RAD18: variants seen among roughly 807,000 people sequenced by gnomAD.
RAD18 encodes the protein E3 ubiquitin-protein ligase RAD18.
Under a neutral mutation model 60.4 loss-of-function variants are expected in RAD18, and 47 were observed. The ratio of observed to expected loss-of-function variants is 0.78; its 90% CI spans 0.62 to 0.99. The LOEUF (loss-of-function observed/expected upper bound fraction) is 0.99. Ranked by LOEUF, RAD18 falls within the 50% of genes least tolerant of loss-of-function variation. The pLI is 0.00. For missense variants in RAD18, 640 were observed against 593.3 expected, an observed-to-expected ratio of 1.08 and a Z score of -0.82; for synonymous variants, 225 against 195.5, an observed-to-expected ratio of 1.15 and a Z score of -1.26.
chr3:8,926,040 T>C (rs1259596752), intron 7 of RAD18, among the ~76,000 whole-genome samples: 3 of 151,580 alleles, frequency 2.0e-5, no homozygotes, highest in Non-Finnish European at 3.0e-5. Context: ...CTATTCAACA[T>C]AGTGTTGGAA....
At chr3:8,920,116 A>T (rs1354738692) in intron 7 of RAD18, among the ~76,000 whole-genome samples, 1 of 152,138 alleles carries the variant, frequency 6.6e-6, no homozygotes, top group Non-Finnish European at 1.5e-5. Flanking sequence ...TGCCATCTTT[A>T]CTAAAAATAC....
At chr3:8,930,830 T>C (rs1455494208) in intron 7 of RAD18, among the ~76,000 whole-genome samples, 2 of 152,166 alleles carry the variant, frequency 1.3e-5, no homozygotes, top group Non-Finnish European at 2.9e-5. Context: ...GATGCAATAG[T>C]ACTGTCACTC....
At chr3:8,902,617 C>T in intron 9 of RAD18, 97 bp from the exon 10 acceptor site, 2 of 1,257,902 alleles carry the variant, frequency 1.6e-6, no homozygotes, top group South Asian at 1.7e-5. Flanking sequence ...AAGGGATGGG[C>T]ATGGTGGCTT....
chr3:8,960,023 T>A (rs1169237913), intron 1 of RAD18, among the ~76,000 whole-genome samples: 1 of 152,182 alleles, frequency 6.6e-6, no homozygotes, highest in East Asian at 1.9e-4. Context: ...TAAGAATGTA[T>A]TCTAATAGGC....
chr3:8,939,740 GT>G lies in RAD18; in HGVS notation c.605-88del, dbSNP rs959252655. On this transcript the variant is annotated intron_variant, in intron 5 of 12. Coordinates refer to ENST00000264926, the MANE Select transcript of RAD18 (RefSeq NM_020165.4). Reference sequence around the variant, plus strand: ...AACTGGCATCTTTTCAGCAAGTAAAGTAAAAAAGAATCCCAACTTAACATGC... The same window carrying G: ...AACTGGCATCTTTTCAGCAAGTAAAGAAAAAAGAATCCCAACTTAACATGC... The G allele has an allele frequency of 1.8e-4, 198 of 1,130,584 alleles. No individual in the cohort carries two copies. In the African/African-American group the frequency reaches 2.9e-3, roughly 17 times the overall value. The allele number at this position is 1,130,584 out of a possible 1,614,324, so 70.0% of individuals were successfully genotyped here. A position where few individuals can be genotyped will look rare whatever the true frequency, so the allele number is the denominator to read the frequency against.
At chr3:8,893,826 G>C (rs1025652996) in intron 11 of RAD18, among the ~76,000 whole-genome samples, 2 of 150,872 alleles carry the variant, frequency 1.3e-5, no homozygotes, top group African/African-American at 4.9e-5. Context: ...CTCCTGAGTA[G>C]TTATAGGTGC....
chr3:8,939,066 T>C (rs1428203712), intron 6 of RAD18, among the ~76,000 whole-genome samples: 1 of 152,142 alleles, frequency 6.6e-6, no homozygotes, highest in African/African-American at 2.4e-5. Flanking sequence ...TTACATTTCA[T>C]ATATGCATTT....
chr3:8,942,800 A>G (rs1017729592), intron 4 of RAD18, among the ~76,000 whole-genome samples: 2 of 152,208 alleles, frequency 1.3e-5, no homozygotes, highest in Non-Finnish European at 2.9e-5. Flanking sequence ...AGAAATTCAC[A>G]TCCATTCCTG....
At chr3:8,945,758 C>T (rs2124834986) in intron 4 of RAD18, among the ~76,000 whole-genome samples, 1 of 152,116 alleles carries the variant, frequency 6.6e-6, no homozygotes, top group Admixed American at 6.5e-5. Flanking sequence ...GCGTCAGCCA[C>T]CAAGCCCGGC....
Position 8,878,492 on chromosome 3 carries a change from C to T in RAD18, c.*2865G>A, listed in dbSNP as rs1041654855. Reference sequence around the variant, plus strand: ...TTGAATAATTGCTACTTTCTTTTATCGGATGCTAAGAAGTTTGAAATCCAT... The same window carrying T: ...TTGAATAATTGCTACTTTCTTTTATTGGATGCTAAGAAGTTTGAAATCCAT... On this transcript the variant is annotated 3_prime_UTR_variant, in exon 13 of 13. Coordinates refer to ENST00000264926, the MANE Select transcript of RAD18 (RefSeq NM_020165.4). 1.3e-5 allele frequency: 2 copies of T among 152,166 alleles called. No homozygotes were observed. The highest frequency in any genetic ancestry group is 6.5e-5 in the Admixed American group (1 of 15,282). The allele number at this position is 152,166 out of a possible 1,614,324, so 9.4% of individuals were successfully genotyped here. A position where few individuals can be genotyped will look rare whatever the true frequency, so the allele number is the denominator to read the frequency against.
At chr3:8,914,093 T>C (rs901714533) in intron 7 of RAD18, among the ~76,000 whole-genome samples, 1 of 152,180 alleles carries the variant, frequency 6.6e-6, no homozygotes, top group Non-Finnish European at 1.5e-5. Context: ...ATGTACTAAA[T>C]GCAGTACAAC....
intron 3 of RAD18, among the ~76,000 whole-genome samples, chr3:8,947,532 A>G (rs1450956686): frequency 1.3e-5 from 2 of 152,160 alleles, no homozygotes; most frequent in Non-Finnish European, 2.9e-5. Flanking sequence ...AATCATATAT[A>G]CTCTGTACTG....
At chr3:8,923,595 T>C (rs1480002630) in intron 7 of RAD18, among the ~76,000 whole-genome samples, 1 of 151,766 alleles carries the variant, frequency 6.6e-6, no homozygotes, top group African/African-American at 2.4e-5. Flanking sequence ...GAAGAGCAAC[T>C]CCAAGACACA....
intron 7 of RAD18, among the ~76,000 whole-genome samples, chr3:8,919,426 C>T (rs768445268): frequency 1.2e-4 from 19 of 152,142 alleles, no homozygotes; most frequent in Non-Finnish European, 2.4e-4. Context: ...CTGGAATTAT[C>T]TGACAAGAAT....
chr3:8,934,114 C>T (rs1311405543), intron 7 of RAD18, among the ~76,000 whole-genome samples: 3 of 152,216 alleles, frequency 2.0e-5, no homozygotes, highest in African/African-American at 7.2e-5. Flanking sequence ...CAATCTTGTC[C>T]TCTACCTCAC....
intron 2 of RAD18, among the ~76,000 whole-genome samples, chr3:8,958,319 G>GT (rs1941043103): frequency 6.6e-6 from 1 of 152,194 alleles, no homozygotes; most frequent in Non-Finnish European, 1.5e-5. Context: ...CCCATAAACT[G>GT]TATGTCTAGC....
chr3:8,959,107 C>A, intron 1 of RAD18, 106 bp from the exon 2 acceptor site: 11 of 818,590 alleles, frequency 1.3e-5, no homozygotes, highest in East Asian at 2.5e-5. Context: ...AACTCTTTGT[C>A]AAATACACAA....
chr3:8,894,162 T>C (rs1939745460), intron 11 of RAD18, among the ~76,000 whole-genome samples: 1 of 152,166 alleles, frequency 6.6e-6, no homozygotes, highest in African/African-American at 2.4e-5. Flanking sequence ...ATGCTATTGA[T>C]TTTACCAGAG....
At chr3:8,919,683 C>A (rs1940279624) in intron 7 of RAD18, among the ~76,000 whole-genome samples, 1 of 152,194 alleles carries the variant, frequency 6.6e-6, no homozygotes, top group Admixed American at 6.5e-5. Flanking sequence ...AGCAAAGACA[C>A]CAAGTAGCAA....
Sources: gnomAD v4.1 joint callset for allele counts (sites outside exome capture counted in the v4.1 genomes callset) on GRCh38, gnomAD v4.1.1 for gene constraint, MANE v1.5 for transcripts, NCBI Gene and HGNC (gene_info 2026-07-23, HGNC 2026-07-21) for gene names.